ADGRL3: variants seen among roughly 807,000 people sequenced by gnomAD.
The protein encoded by ADGRL3 is adhesion G protein-coupled receptor L3, also known as calcium-independent alpha-latrotoxin receptor 3.
Under a neutral mutation model 153.5 loss-of-function variants are expected in ADGRL3, and 62 were observed. The ratio of observed to expected loss-of-function variants is 0.40; its 90% CI spans 0.33 to 0.50. ADGRL3 has a LOEUF of 0.50. Among genes scored for constraint, ADGRL3 ranks in the 20% least tolerant of loss-of-function variants. The pLI, the probability that ADGRL3 is intolerant of heterozygous loss-of-function variation, is 0.47. For missense variants in ADGRL3, 1,641 were observed against 1,859.4 expected, an observed-to-expected ratio of 0.88 and a Z score of 2.16; for synonymous variants, 710 against 672.5, an observed-to-expected ratio of 1.06 and a Z score of -0.86.
At chr4:61,645,711 C>T (rs974226935) in intron 5 of ADGRL3, among the ~76,000 whole-genome samples, 2 of 151,826 alleles carry the variant, frequency 1.3e-5, no homozygotes, top group Non-Finnish European at 2.9e-5. Context: ...CTCTGGCTGC[C>T]CTTAACATTT....
chr4:62,043,635 C>G (rs1729564325), intron 24 of ADGRL3, among the ~76,000 whole-genome samples: 2 of 151,952 alleles, frequency 1.3e-5, no homozygotes, highest in East Asian at 3.8e-4. Context: ...CTATTTCAGC[C>G]TTGGAAAAAC....
At chr4:62,005,006 G>A (rs1419531477) in intron 21 of ADGRL3, among the ~76,000 whole-genome samples, 1 of 152,072 alleles carries the variant, frequency 6.6e-6, no homozygotes, top group Non-Finnish European at 1.5e-5. Flanking sequence ...AAACAACATT[G>A]TGTGGAGCTT....
chr4:61,932,763 T>C (rs2098822882), intron 13 of ADGRL3, among the ~76,000 whole-genome samples: 3 of 152,128 alleles, frequency 2.0e-5, no homozygotes, highest in Admixed American at 6.6e-5. Context: ...TCTTTAAGTG[T>C]AGAAAAATTG....
intron 1 of ADGRL3, among the ~76,000 whole-genome samples, chr4:61,291,043 T>C (rs2094158217): frequency 6.6e-6 from 1 of 151,962 alleles, no homozygotes; most frequent in Admixed American, 6.6e-5. Context: ...AGTTACAAAT[T>C]GGTGAAGGAA....
chr4:62,058,113 A>C (rs2151831316), intron 25 of ADGRL3, among the ~76,000 whole-genome samples: 1 of 152,238 alleles, frequency 6.6e-6, no homozygotes, highest in East Asian at 1.9e-4. Flanking sequence ...ATAATTAAGG[A>C]GCTGTCATTT....
intron 1 of ADGRL3, among the ~76,000 whole-genome samples, chr4:61,325,945 C>T (rs186016596): frequency 2.1e-4 from 32 of 152,106 alleles, no homozygotes; most frequent in African/African-American, 7.7e-4. Context: ...TTCCAGATAG[C>T]GTATTAAGAA....
intron 4 of ADGRL3, among the ~76,000 whole-genome samples, chr4:61,558,239 A>G (rs1005759698): frequency 4.7e-5 from 7 of 147,818 alleles, no homozygotes; most frequent in Admixed American, 2.0e-4. Flanking sequence ...TTTTCTGGCT[A>G]CAAAAATCTT....
intron 17 of ADGRL3, among the ~76,000 whole-genome samples, chr4:61,975,622 A>G (rs148993177): frequency 2.6e-5 from 4 of 152,292 alleles, no homozygotes; most frequent in Admixed American, 2.0e-4. Context: ...GCTCTGCTAA[A>G]TATAGAGAGA....
At chr4:61,512,994 A>G (rs2098471750) in intron 3 of ADGRL3, among the ~76,000 whole-genome samples, 1 of 152,166 alleles carries the variant, frequency 6.6e-6, no homozygotes, top group African/African-American at 2.4e-5. Context: ...CCTAAACCAC[A>G]AAAGTAAATG....
intron 5 of ADGRL3, among the ~76,000 whole-genome samples, chr4:61,642,895 C>T (rs1246109586): frequency 4.6e-5 from 7 of 152,244 alleles, no homozygotes; most frequent in East Asian, 1.9e-4. Context: ...GCCATTTTCA[C>T]GATATTGATT....
intron 4 of ADGRL3, among the ~76,000 whole-genome samples, chr4:61,525,830 G>GA (rs1193281999): frequency 6.6e-6 from 1 of 151,932 alleles, no homozygotes; most frequent in African/African-American, 2.4e-5. Flanking sequence ...GCCTTTTCAG[G>GA]AAAAAAATAA....
intron 25 of ADGRL3, among the ~76,000 whole-genome samples, chr4:62,064,918 A>G (rs1742193178): frequency 6.6e-6 from 1 of 152,068 alleles, no homozygotes. Flanking sequence ...TGTCAATACA[A>G]TGAAATAATT....
chr4:61,909,920 T>G (rs2098714628), intron 12 of ADGRL3, among the ~76,000 whole-genome samples, 175 bp downstream of exon 12: 1 of 152,130 alleles, frequency 6.6e-6, no homozygotes, highest in South Asian at 2.1e-4. Flanking sequence ...ATTATAATAA[T>G]AGAACTGTGG....
intron 19 of ADGRL3, among the ~76,000 whole-genome samples, chr4:61,993,244 T>TA (rs1197082055): frequency 6.7e-6 from 1 of 150,206 alleles, no homozygotes; most frequent in Non-Finnish European, 1.5e-5. Context: ...GTTTTGTCCT[T>TA]CATTGTTTTT....
chr4:61,379,548 A>G (rs1047134515), intron 1 of ADGRL3, among the ~76,000 whole-genome samples: 3 of 152,158 alleles, frequency 2.0e-5, no homozygotes, highest in South Asian at 2.1e-4. Context: ...TATCACTGTC[A>G]TCTTAGGCTG....
At chr4:61,489,324 A>C (rs1351775782) in intron 2 of ADGRL3, among the ~76,000 whole-genome samples, 1 of 151,460 alleles carries the variant, frequency 6.6e-6, no homozygotes, top group South Asian at 2.1e-4. Flanking sequence ...AGACTTTTTG[A>C]TGTTTTATAC....
chr4:61,637,764 A>AC lies in ADGRL3; in HGVS notation c.474-39056dup, dbSNP rs1490298271. On this transcript the variant is annotated intron_variant, in intron 5 of 26. Coordinates refer to ENST00000683033, the MANE Select transcript of ADGRL3 (RefSeq NM_001387552.1). ...TGACAGAGTGAAACTCTGTTCCCCC[A>AC]CCCCCCAAAAACGTCAATAGGAAAG... 3.9e-5 allele frequency among the ~76,000 whole-genome samples: 6 copies of AC among 152,086 alleles called. No homozygotes were observed. The East Asian group carries it at 1.2e-3, about 30-fold the overall frequency.
intron 21 of ADGRL3, among the ~76,000 whole-genome samples, chr4:62,003,357 C>A (rs1260035569): frequency 6.6e-6 from 1 of 151,576 alleles, no homozygotes; most frequent in Admixed American, 6.6e-5. Context: ...ACTTTTTTTT[C>A]TTCTTCCCTA....
At chr4:61,775,637 C>T (rs1425728821) in intron 8 of ADGRL3, 43 of 1,468,588 alleles carry the variant, frequency 2.9e-5, no homozygotes, top group Non-Finnish European at 3.7e-5. Context: ...ATTTGGTGTT[C>T]AGCACAAAGG....
Sources: gnomAD v4.1 joint callset for allele counts (sites outside exome capture counted in the v4.1 genomes callset) on GRCh38, gnomAD v4.1.1 for gene constraint, MANE v1.5 for transcripts, NCBI Gene and HGNC (gene_info 2026-07-23, HGNC 2026-07-21) for gene names.